PTPRD: variants seen among roughly 807,000 people sequenced by gnomAD.
PTPRD encodes the protein receptor-type tyrosine-protein phosphatase delta.
In PTPRD, 34 loss-of-function variants were observed where a neutral mutation model predicts 214.5. The observed-to-expected ratio is 0.16, with a 90% confidence interval of 0.12 to 0.21. PTPRD has a LOEUF of 0.21. PTPRD is among the 10% of genes least tolerant of loss of function. PTPRD has a pLI of 1.00. For missense variants in PTPRD, 2,545 were observed against 2,398.7 expected, an observed-to-expected ratio of 1.06 and a Z score of -1.27; for synonymous variants, 1,128 against 845.7, an observed-to-expected ratio of 1.33 and a Z score of -5.79.
intron 12 of PTPRD, 71 bp from the exon 13 acceptor site, chr9:8,636,915 T>A (rs2154328725): frequency 6.7e-7 from 1 of 1,488,130 alleles, no homozygotes; most frequent in Non-Finnish European, 9.3e-7. Flanking sequence ...CTACCGCTGC[T>A]CTCCCCACCA....
chr9:10,236,849 G>A (rs533550293), intron 3 of PTPRD, among the ~76,000 whole-genome samples: 4 of 151,542 alleles, frequency 2.6e-5, no homozygotes, highest in African/African-American at 9.7e-5. Context: ...ATATTTTAAG[G>A]TTAATTTTTG....
chr9:9,881,251 A>G (rs776821350), intron 5 of PTPRD, among the ~76,000 whole-genome samples: 16 of 152,186 alleles, frequency 1.1e-4, no homozygotes, highest in East Asian at 3.9e-4. Flanking sequence ...GGGACATTCA[A>G]TCATCTTTTG....
At chr9:8,873,007 C>A (rs1310498356) in intron 11 of PTPRD, among the ~76,000 whole-genome samples, 2 of 152,126 alleles carry the variant, frequency 1.3e-5, no homozygotes, top group Non-Finnish European at 2.9e-5. Flanking sequence ...TTATGGAAAC[C>A]ACTGTGAGTT....
chr9:9,669,147 G>T lies in PTPRD; in HGVS notation c.-287+65386C>A, dbSNP rs2096778212. 2.0e-5 allele frequency among the ~76,000 whole-genome samples: 3 copies of T among 151,890 alleles called. No individual in the cohort carries two copies. In the South Asian group the frequency reaches 6.2e-4, roughly 32 times the overall value. On this transcript the variant is annotated intron_variant, in intron 7 of 45. Coordinates refer to ENST00000381196, the MANE Select transcript of PTPRD (RefSeq NM_002839.4). ...GGGTACATGTGCATCCCATTACTGG[G>T]TATATACCCAAAGGATTATAAATCA...
At chr9:8,493,749 T>C (rs2097196965) in intron 26 of PTPRD, among the ~76,000 whole-genome samples, 1 of 152,196 alleles carries the variant, frequency 6.6e-6, no homozygotes, top group Non-Finnish European at 1.5e-5. Context: ...CAATTTATTT[T>C]GACTTTCTAA....
At chr9:10,345,034 C>G (rs959677832) in intron 2 of PTPRD, among the ~76,000 whole-genome samples, 1 of 152,078 alleles carries the variant, frequency 6.6e-6, no homozygotes, top group Non-Finnish European at 1.5e-5. Context: ...TTCTCCCCAT[C>G]ATAGAATGGA....
Position 9,718,902 on chromosome 9 carries a change from C to A in PTPRD, c.-287+15631G>T, listed in dbSNP as rs180851364. 9.2e-5 allele frequency among the ~76,000 whole-genome samples: 14 copies of A among 152,284 alleles called. No homozygotes were observed. In the East Asian group the frequency reaches 2.7e-3, roughly 30 times the overall value. On this transcript the variant is annotated intron_variant, in intron 7 of 45. Transcript: ENST00000381196. The stretch of plus-strand genomic sequence containing the variant: ...GACAGCCTGGACACCATGGAGGGCA[C>A]ATTAATGGCAGCCGGAGGCAGACAG...
chr9:8,899,147 T>C (rs1303448711), intron 11 of PTPRD, among the ~76,000 whole-genome samples: 1 of 152,174 alleles, frequency 6.6e-6, no homozygotes, highest in Non-Finnish European at 1.5e-5. Context: ...AAAGATTGTT[T>C]ATCTGCTGGG....
intron 36 of PTPRD, among the ~76,000 whole-genome samples, chr9:8,396,651 C>G (rs866402625): frequency 1.1e-4 from 16 of 152,094 alleles, no homozygotes; most frequent in African/African-American, 3.4e-4. Flanking sequence ...GCCAGCCAGC[C>G]CTTAAAAATG....
At chr9:9,071,124 G>A (rs2099743096) in intron 10 of PTPRD, among the ~76,000 whole-genome samples, 1 of 152,102 alleles carries the variant, frequency 6.6e-6, no homozygotes, top group South Asian at 2.1e-4. Flanking sequence ...TATGTTGCCA[G>A]TGCTACCTTT....
intron 11 of PTPRD, among the ~76,000 whole-genome samples, chr9:8,846,911 G>A (rs1292109640): frequency 6.6e-6 from 1 of 152,166 alleles, no homozygotes; most frequent in East Asian, 1.9e-4. Context: ...TCAGATTTGA[G>A]TTTCTTAAAG....
chr9:9,741,938 T>G (rs1040733822), intron 6 of PTPRD, among the ~76,000 whole-genome samples: 4 of 152,192 alleles, frequency 2.6e-5, no homozygotes, highest in African/African-American at 9.7e-5. Context: ...GTCTTTATAG[T>G]AGAATGATTT....
intron 10 of PTPRD, among the ~76,000 whole-genome samples, chr9:9,088,450 G>A (rs1274515829): frequency 6.6e-6 from 1 of 151,150 alleles, no homozygotes; most frequent in Non-Finnish European, 1.5e-5. Context: ...CATGGTGGCA[G>A]GCACCTATAA....
At position 9,675,152 on chromosome 9, in the gene PTPRD, GAAAC is replaced by G. The variant is rs60517947; in HGVS notation, c.-287+59377_-287+59380del. On this transcript the variant is annotated intron_variant, in intron 7 of 45. Coordinates refer to ENST00000381196, the MANE Select transcript of PTPRD (RefSeq NM_002839.4). ...TACATTCAAAGTCAATTATGAAAGA[GAAAC>G]AAACAATCTGTATACGTTTAAATAC... Among the ~76,000 whole-genome samples the G allele has an allele frequency of 2.3e-3, 346 of 151,956 alleles. 2 individuals are homozygous for G. The highest frequency in any genetic ancestry group is 7.9e-3 in the African/African-American group (328 of 41,530).
rs144643139 is a variant in PTPRD, at chr9:9,127,801, T to C, written c.-143+55503A>G. On this transcript the variant is annotated intron_variant, in intron 10 of 45. Transcript: ENST00000381196. Reference sequence around the variant, plus strand: ...GAAAATAAGTTCAGAAAAAATAAAATATGAAGGAAAAAAAGAGGTGATGCC... The same window carrying C: ...GAAAATAAGTTCAGAAAAAATAAAACATGAAGGAAAAAAAGAGGTGATGCC... Among the ~76,000 whole-genome samples, 406 of 151,794 alleles carry C rather than the reference T, an allele frequency of 2.7e-3. 2 individuals carry two copies. Among genetic ancestry groups the C allele is most frequent in the Non-Finnish European group, 4.4e-3 (298 of 67,890 alleles).
At chr9:10,471,622 T>A (rs1441729021) in intron 2 of PTPRD, among the ~76,000 whole-genome samples, 3 of 152,164 alleles carry the variant, frequency 2.0e-5, no homozygotes, top group Non-Finnish European at 4.4e-5. Flanking sequence ...TAGCACAGTG[T>A]CTCATACACA....
At chr9:9,322,323 T>G (rs1445373251) in intron 9 of PTPRD, among the ~76,000 whole-genome samples, 2 of 152,202 alleles carry the variant, frequency 1.3e-5, no homozygotes, top group South Asian at 4.1e-4. Context: ...ATTATATACA[T>G]GTTTTATGTA....
intron 7 of PTPRD, among the ~76,000 whole-genome samples, chr9:9,730,600 C>G (rs1027251959): frequency 6.6e-6 from 1 of 151,978 alleles, no homozygotes; most frequent in Non-Finnish European, 1.5e-5. Flanking sequence ...CCTAAGAGCT[C>G]CAGATCAGGG....
chr9:9,079,758 C>G (rs1360603217), intron 10 of PTPRD, among the ~76,000 whole-genome samples: 5 of 151,978 alleles, frequency 3.3e-5, no homozygotes, highest in Non-Finnish European at 4.4e-5. Flanking sequence ...TATGTATGCA[C>G]TTATGTACTT....
Sources: allele counts gnomAD v4.1 joint callset (sites outside exome capture counted in the v4.1 genomes callset), GRCh38; gene constraint gnomAD v4.1.1; transcripts MANE v1.5; gene names NCBI Gene and HGNC (gene_info 2026-07-23, HGNC 2026-07-21).